The following AGBL1 variants were observed in gnomAD, a reference collection of about 807,000 sequenced individuals.
AGBL1 encodes AGBL carboxypeptidase 1, also known as cytosolic carboxypeptidase 4.
In AGBL1, 130 loss-of-function variants were observed where a neutral mutation model predicts 118.9. The observed-to-expected ratio is 1.09, with a 90% CI of 0.95 to 1.26. AGBL1 has a LOEUF of 1.26. AGBL1 is among the 50% of genes most tolerant of loss of function. The probability of loss-of-function intolerance (pLI) is 0.00; values close to 1 mark genes in which losing one functional copy is unlikely to be tolerated. For missense variants in AGBL1, 1,584 were observed against 1,298.1 expected, an observed-to-expected ratio of 1.22 and a Z score of -3.38; for synonymous variants, 555 against 478.9, an observed-to-expected ratio of 1.16 and a Z score of -2.08.
At chr15:86,370,006 A>C (rs2080948510) in intron 17 of AGBL1, among the ~76,000 whole-genome samples, 1 of 152,246 alleles carries the variant, frequency 6.6e-6, no homozygotes, top group Non-Finnish European at 1.5e-5. Flanking sequence ...AGCAATTTAA[A>C]AAATCAATCA....
intron 18 of AGBL1, among the ~76,000 whole-genome samples, chr15:86,456,150 A>T (rs1433082429): frequency 6.6e-6 from 1 of 152,214 alleles, no homozygotes; most frequent in Non-Finnish European, 1.5e-5. Context: ...CCTCTAGATT[A>T]AAACAATAAC....
chr15:86,945,359 T>C (rs1402844349), intron 23 of AGBL1, among the ~76,000 whole-genome samples: 1 of 147,800 alleles, frequency 6.8e-6, no homozygotes, highest in Non-Finnish European at 1.5e-5. Context: ...ATTCAATGGG[T>C]GGTAGTAGAA....
intron 17 of AGBL1, among the ~76,000 whole-genome samples, chr15:86,313,799 A>G (rs1204328628): frequency 2.0e-5 from 3 of 152,224 alleles, no homozygotes. Context: ...AACTTTAGAG[A>G]TAAAGCTGAT....
intron 21 of AGBL1, among the ~76,000 whole-genome samples, chr15:86,566,438 G>A (rs1031852183): frequency 3.9e-5 from 6 of 152,082 alleles, no homozygotes; most frequent in African/African-American, 1.4e-4. Flanking sequence ...TATACAAAGA[G>A]GGCTGAGAGG....
intron 22 of AGBL1, among the ~76,000 whole-genome samples, chr15:86,889,553 C>T (rs1182353692): frequency 6.6e-6 from 1 of 152,134 alleles, no homozygotes. Context: ...CCCCACCTGG[C>T]CCCCAACGGC....
chr15:86,778,786 A>G (rs978250073), intron 22 of AGBL1, among the ~76,000 whole-genome samples: 2 of 152,198 alleles, frequency 1.3e-5, no homozygotes, highest in Admixed American at 6.6e-5. Context: ...CATCCTCCTC[A>G]GTTTACAAAG....
At chr15:86,868,531 A>T (rs1190584500) in intron 22 of AGBL1, among the ~76,000 whole-genome samples, 1 of 152,264 alleles carries the variant, frequency 6.6e-6, no homozygotes, top group Non-Finnish European at 1.5e-5. Context: ...CAACTATCAC[A>T]TAATTCTAAG....
At chr15:86,135,580 A>G (rs2076878428) in intron 1 of AGBL1, among the ~76,000 whole-genome samples, 1 of 152,216 alleles carries the variant, frequency 6.6e-6, no homozygotes, top group Non-Finnish European at 1.5e-5. Context: ...GTCAGATTGC[A>G]TATTCAGTCT....
chr15:86,544,228 C>G (rs778573614), intron 19 of AGBL1, among the ~76,000 whole-genome samples: 1 of 152,178 alleles, frequency 6.6e-6, no homozygotes, highest in Non-Finnish European at 1.5e-5. Context: ...CATTCACATA[C>G]CTGGTGGTTG....
At chr15:86,109,751 A>G (rs1258941366) in intron 1 of AGBL1, 2 of 152,336 alleles carry the variant, frequency 1.3e-5, no homozygotes, top group African/African-American at 4.8e-5. Context: ...ATTGCATGCC[A>G]CGTTTCTCCT....
At chr15:86,089,858 A>T (rs910138641) in intron 1 of AGBL1, among the ~76,000 whole-genome samples, 3 of 152,156 alleles carry the variant, frequency 2.0e-5, no homozygotes, top group African/African-American at 7.2e-5. Context: ...TTTCCCTTTG[A>T]CTTTAATTGC....
chr15:86,566,557 C>G (rs1189828509), intron 21 of AGBL1, among the ~76,000 whole-genome samples: 1 of 152,008 alleles, frequency 6.6e-6, no homozygotes, highest in African/African-American at 2.4e-5. Context: ...TCCTAGGTTG[C>G]TTCCTTTTCT....
At chr15:86,686,652 T>G (rs925125624) in intron 22 of AGBL1, among the ~76,000 whole-genome samples, 4 of 152,080 alleles carry the variant, frequency 2.6e-5, no homozygotes, top group Non-Finnish European at 5.9e-5. Context: ...TTGGCCAGGC[T>G]GGTCTTGAAC....
At chr15:86,750,535 T>C (rs929093679) in intron 22 of AGBL1, among the ~76,000 whole-genome samples, 4 of 151,972 alleles carry the variant, frequency 2.6e-5, no homozygotes, top group African/African-American at 9.7e-5. Flanking sequence ...TGAAAAACAA[T>C]CCTGGCAGGA....
chr15:86,237,319 G>T (rs1228462910), intron 6 of AGBL1, among the ~76,000 whole-genome samples: 1 of 152,214 alleles, frequency 6.6e-6, no homozygotes, highest in Non-Finnish European at 1.5e-5. Context: ...GCACAATGCA[G>T]TGTGAACCGA....
At chr15:86,940,758 T>A (rs1163876245) in intron 23 of AGBL1, among the ~76,000 whole-genome samples, 1 of 152,212 alleles carries the variant, frequency 6.6e-6, no homozygotes, top group Non-Finnish European at 1.5e-5. Context: ...TCCCTCTGCC[T>A]TTAACTCTTA....
intron 18 of AGBL1, among the ~76,000 whole-genome samples, chr15:86,467,535 G>A (rs778540930): frequency 8.5e-5 from 13 of 152,206 alleles, no homozygotes; most frequent in Non-Finnish European, 1.5e-4. Flanking sequence ...AAAAACTCCT[G>A]CAGCTAGCTC....
At chr15:86,988,830 A>G (rs1304494271) in intron 24 of AGBL1, among the ~76,000 whole-genome samples, 5 of 152,170 alleles carry the variant, frequency 3.3e-5, no homozygotes, top group Admixed American at 1.3e-4. Context: ...CTTCTTTTAC[A>G]TGAATATTAA....
At chr15:86,947,336 C>T (rs531574383) in intron 23 of AGBL1, among the ~76,000 whole-genome samples, 4 of 152,264 alleles carry the variant, frequency 2.6e-5, no homozygotes, top group South Asian at 2.1e-4. Context: ...GTCTTATTGA[C>T]CTGACCTAAA....
Sources: gnomAD v4.1 joint callset for allele counts (sites outside exome capture counted in the v4.1 genomes callset) on GRCh38, gnomAD v4.1.1 for gene constraint, MANE v1.5 for transcripts, NCBI Gene and HGNC (gene_info 2026-07-23, HGNC 2026-07-21) for gene names.